EYS: variants seen among roughly 807,000 people sequenced by gnomAD.
EYS encodes the protein EGF-like photoreceptor maintenance factor, also known as protein eyes shut homolog.
In EYS, 250 loss-of-function variants were observed where a neutral mutation model predicts 282.1. The observed-to-expected ratio is 0.89, with a 90% confidence interval of 0.80 to 0.98. The LOEUF (loss-of-function observed/expected upper bound fraction) is 0.98. Among genes scored for constraint, EYS ranks in the 50% least tolerant of loss-of-function variants. The pLI is 0.00. For missense variants in EYS, 4,016 were observed against 3,709.0 expected (o/e 1.08, Z -2.15); for synonymous variants, 1,355 against 1,282.9 (o/e 1.06, Z -1.20).
intron 15 of EYS, among the ~76,000 whole-genome samples, chr6:64,919,187 T>C (rs1393551452): frequency 2.0e-5 from 3 of 152,096 alleles, no homozygotes; most frequent in African/African-American, 7.2e-5. Flanking sequence ...ATTTATTTAT[T>C]TTGAGATGGA....
intron 30 of EYS, among the ~76,000 whole-genome samples, chr6:64,289,092 C>T (rs971631876): frequency 2.0e-5 from 3 of 152,052 alleles, no homozygotes; most frequent in African/African-American, 7.2e-5. Context: ...CTCTTTAACC[C>T]ATCACGCCTT....
intron 24 of EYS, among the ~76,000 whole-genome samples, chr6:64,606,087 A>C (rs1766924502): frequency 6.6e-6 from 1 of 151,904 alleles, no homozygotes; most frequent in South Asian, 2.1e-4. Context: ...GTTGTTTTGC[A>C]TGTTGTATCT....
At chr6:65,297,217 AG>A (rs1252438183) in intron 11 of EYS, among the ~76,000 whole-genome samples, 2 of 151,828 alleles carry the variant, frequency 1.3e-5, no homozygotes, top group Non-Finnish European at 2.9e-5. Flanking sequence ...AAAAAATTAA[AG>A]TATCATGATT....
intron 30 of EYS, among the ~76,000 whole-genome samples, chr6:64,255,741 ACG>A (rs919852186): frequency 6.6e-6 from 1 of 152,022 alleles, no homozygotes; most frequent in Non-Finnish European, 1.5e-5. Flanking sequence ...TTGAACACAC[ACG>A]TATTAAAACG....
intron 22 of EYS, among the ~76,000 whole-genome samples, chr6:64,776,418 G>T (rs1248622315): frequency 6.6e-6 from 1 of 151,998 alleles, no homozygotes; most frequent in Admixed American, 6.6e-5. Flanking sequence ...TCACTGTGCT[G>T]CAGGTTTTAT....
intron 29 of EYS, among the ~76,000 whole-genome samples, chr6:64,371,358 G>T (rs1300963050): frequency 9.9e-5 from 13 of 131,962 alleles, no homozygotes; most frequent in Admixed American, 7.6e-5. Context: ...TATTTTTATT[G>T]TGCCATATTC....
chr6:63,896,788 A>G (rs1486957300), intron 35 of EYS, among the ~76,000 whole-genome samples: 1 of 152,162 alleles, frequency 6.6e-6, no homozygotes, highest in East Asian at 1.9e-4. Context: ...TCCAAAAGTC[A>G]TATCGTTGAA....
chr6:64,148,396 T>G (rs1204429791), intron 31 of EYS, among the ~76,000 whole-genome samples: 1 of 152,162 alleles, frequency 6.6e-6, no homozygotes, highest in East Asian at 1.9e-4. Flanking sequence ...CTGCTAGCTC[T>G]TTTTCTTATG....
chr6:64,704,493 A>ATACTTATAATAATATTATAAT (rs1554195049), intron 22 of EYS, among the ~76,000 whole-genome samples: 35 of 12,598 alleles, frequency 2.8e-3, no homozygotes, highest in East Asian at 5.6e-3. Context: ...TATAATTATA[A>ATACTTATAATAATATTATAAT]TATAATACTT....
intron 12 of EYS, among the ~76,000 whole-genome samples, chr6:65,106,999 C>A (rs1419729943): frequency 6.6e-6 from 1 of 151,988 alleles, no homozygotes; most frequent in Non-Finnish European, 1.5e-5. Flanking sequence ...CTGCTCCTCA[C>A]CCCCGCTCCT....
intron 11 of EYS, among the ~76,000 whole-genome samples, chr6:65,300,476 T>A (rs1014359128): frequency 6.6e-6 from 1 of 152,108 alleles, no homozygotes; most frequent in African/African-American, 2.4e-5. Flanking sequence ...AGTTTTGGAG[T>A]TTTTTTCAAA....
At chr6:64,881,501 A>G (rs1249278868) in intron 19 of EYS, among the ~76,000 whole-genome samples, 2 of 151,740 alleles carry the variant, frequency 1.3e-5, no homozygotes, top group Non-Finnish European at 2.9e-5. Context: ...TTTTTTTCAT[A>G]TCTTTGGAAA....
chr6:64,027,371 G>C (rs1769574305), intron 33 of EYS, among the ~76,000 whole-genome samples: 1 of 152,110 alleles, frequency 6.6e-6, no homozygotes, highest in Admixed American at 6.5e-5. Flanking sequence ...TCACTCCAAG[G>C]TCAATTGATT....
intron 31 of EYS, among the ~76,000 whole-genome samples, chr6:64,132,860 T>G (rs1361782783): frequency 6.6e-6 from 1 of 151,928 alleles, no homozygotes; most frequent in Non-Finnish European, 1.5e-5. Context: ...TAGGCAGAAA[T>G]AAGTAACTAT....
chr6:63,887,859 G>T (rs1773305241), intron 35 of EYS, among the ~76,000 whole-genome samples: 1 of 152,196 alleles, frequency 6.6e-6, no homozygotes, highest in Non-Finnish European at 1.5e-5. Context: ...AAGTGGTCTT[G>T]CTCAGCAGAT....
chr6:65,348,121 C>A (rs914580248), intron 9 of EYS, among the ~76,000 whole-genome samples: 2 of 151,546 alleles, frequency 1.3e-5, no homozygotes, highest in African/African-American at 4.8e-5. Flanking sequence ...ATTTCCCTTA[C>A]TCATTCATCT....
chr6:65,679,274 G>A (rs71572546), intron 1 of EYS, among the ~76,000 whole-genome samples: 20,209 of 151,816 alleles, frequency 0.13, 1,521 homozygotes, highest in South Asian at 0.29. Flanking sequence ...ACAGATGAAT[G>A]TTTAAAAAGT....
rs755108636 is a variant in EYS at position 64,057,396 on chromosome 6, A to ATTTTT, written c.6725+8941_6725+8942insAAAAA. 2.7e-3 allele frequency among the ~76,000 whole-genome samples: 401 copies of ATTTTT among 149,908 alleles called. 2 individuals are homozygous for ATTTTT. Among genetic ancestry groups the ATTTTT allele is most frequent in the African/African-American group, 9.4e-3 (379 of 40,494 alleles). ...AAGTAAGGTTTTTTTTTTTTTTTTA[A>ATTTTT]AAATAGAATGGTCTCAAATGTGTTT... On this transcript the variant is annotated intron_variant, in intron 33 of 42. Transcript: ENST00000503581.
intron 31 of EYS, among the ~76,000 whole-genome samples, chr6:64,106,999 T>G (rs1415280897): frequency 6.6e-6 from 1 of 151,678 alleles, no homozygotes; most frequent in Non-Finnish European, 1.5e-5. Context: ...ATAGTATTTT[T>G]GGTCTCTAAT....
Sources: gnomAD v4.1 joint callset for allele counts (sites outside exome capture counted in the v4.1 genomes callset) on GRCh38, gnomAD v4.1.1 for gene constraint, MANE v1.5 for transcripts, NCBI Gene and HGNC (gene_info 2026-07-23, HGNC 2026-07-21) for gene names.